Variants in FAM13B observed in about 807,000 individuals in gnomAD.
FAM13B encodes the protein protein FAM13B.
In FAM13B, 60 loss-of-function variants were observed where a neutral mutation model predicts 117.3. The observed-to-expected ratio is 0.51, with a 90% CI of 0.42 to 0.63. FAM13B has a LOEUF of 0.63. Ranked by LOEUF, FAM13B falls within the 30% of genes least tolerant of loss-of-function variation. The pLI is 0.00. For missense variants in FAM13B, 972 were observed against 1,091.9 expected, an observed-to-expected ratio of 0.89 and a Z score of 1.55; for synonymous variants, 332 against 356.1, an observed-to-expected ratio of 0.93 and a Z score of 0.76.
rs928667102 is a variant in FAM13B at position 137,960,340 on chromosome 5, C to T, written c.1245-126G>A. ...TTTACAATGTGCGAGGAGAAAATGC[C>T]AACTGGACACATGCCCATTCTTTGG... is the stretch of plus-strand genomic sequence containing the variant. On this transcript the variant is annotated intron_variant, in intron 11 of 23. Transcript: ENST00000689681. 1.5e-4 allele frequency: 75 copies of T among 512,762 alleles called. 1 individual carries two copies. Among genetic ancestry groups the T allele is most frequent in the South Asian group, 5.8e-5 (2 of 34,304 alleles). 31.8% of individuals were successfully genotyped at this position (512,762 alleles called of 1,614,324 possible). A position where few individuals can be genotyped will look rare whatever the true frequency, so the allele number is the denominator to read the frequency against.
chr5:138,008,897 C>T (rs143832023), intron 6 of FAM13B, among the ~76,000 whole-genome samples: 35 of 152,360 alleles, frequency 2.3e-4, no homozygotes, highest in African/African-American at 7.9e-4. Flanking sequence ...AATCCCAGAA[C>T]TTTGGGAGGC....
At chr5:137,973,744 A>C (rs1421583385) in intron 10 of FAM13B, among the ~76,000 whole-genome samples, 3 of 144,438 alleles carry the variant, frequency 2.1e-5, no homozygotes, top group African/African-American at 5.1e-5. Context: ...CAATGAACTC[A>C]AACAAATTTA....
At chr5:137,953,579 T>A in intron 15 of FAM13B, 114 bp from the exon 16 acceptor site, 2 of 1,053,292 alleles carry the variant, frequency 1.9e-6, no homozygotes, top group East Asian at 4.8e-5. Flanking sequence ...TAAAAATAAG[T>A]CCCTAACACT....
chr5:138,043,368 A>G (rs1384953045), intron 1 of FAM13B, among the ~76,000 whole-genome samples: 1 of 152,102 alleles, frequency 6.6e-6, no homozygotes, highest in Non-Finnish European at 1.5e-5. Context: ...GTCTCAAAAA[A>G]TAAATAATAA....
intron 7 of FAM13B, among the ~76,000 whole-genome samples, chr5:137,989,445 CTA>C (rs1215567247): frequency 6.6e-6 from 1 of 152,178 alleles, no homozygotes; most frequent in African/African-American, 2.4e-5. Flanking sequence ...CAGTATCATG[CTA>C]GTTTCCAATG....
chr5:138,017,990 A>G (rs769655005), intron 4 of FAM13B, among the ~76,000 whole-genome samples: 1 of 152,190 alleles, frequency 6.6e-6, no homozygotes, highest in Non-Finnish European at 1.5e-5. Context: ...CACCACACAC[A>G]TTACCTTACA....
At chr5:137,979,224 G>A (rs941117780) in intron 10 of FAM13B, among the ~76,000 whole-genome samples, 1 of 152,040 alleles carries the variant, frequency 6.6e-6, no homozygotes, top group South Asian at 2.1e-4. Context: ...TGTTGGCCAG[G>A]CTGGTCTCGA....
At chr5:138,039,468 C>T (rs1320617060) in intron 1 of FAM13B, 1 of 152,068 alleles carries the variant, frequency 6.6e-6, no homozygotes, top group Non-Finnish European at 1.5e-5. Flanking sequence ...TTTTTTTTCC[C>T]CTTTGAGTCA....
At chr5:137,988,450 A>C in intron 7 of FAM13B, 135 bp from the exon 8 acceptor site, 1 of 631,446 alleles carries the variant, frequency 1.6e-6, no homozygotes, top group Admixed American at 3.3e-5. Context: ...TCTTGTTTAC[A>C]TATCAAGTTG....
intron 10 of FAM13B, among the ~76,000 whole-genome samples, chr5:137,977,452 T>C (rs912228649): frequency 6.6e-6 from 1 of 152,146 alleles, no homozygotes; most frequent in African/African-American, 2.4e-5. Flanking sequence ...AACTTGCTGG[T>C]TTTACAGCTT....
In FAM13B at chr5:138,007,143, T is replaced by C. The variant is rs1782752709; in HGVS notation, c.695A>G (p.Asn232Ser). The change falls in exon 7 of 24, where the codon AAT becomes AGT. Residue 232 changes from asparagine (N) to serine (S), a missense_variant. Coordinates refer to ENST00000689681, the MANE Select transcript of FAM13B (RefSeq NM_001385994.1). ...NDLSSITEQVNELSEEEEEDE... is the reference protein window; with the variant it reads ...NDLSSITEQVSELSEEEEEDE... ...TTCCTCTTCTTCCTCAGAAAGTTCATTAACCTATATAAATAAAAAGAAATT... is the reference window on the plus strand; with the variant it reads ...TTCCTCTTCTTCCTCAGAAAGTTCACTAACCTATATAAATAAAAAGAAATT... 1.3e-6 allele frequency: 2 copies of C among 1,595,636 alleles called. No homozygotes were observed. Among genetic ancestry groups the C allele is most frequent in the African/African-American group, 1.4e-5 (1 of 73,854 alleles).
chr5:138,044,350 G>A (rs1296085681), intron 1 of FAM13B, among the ~76,000 whole-genome samples: 1 of 152,052 alleles, frequency 6.6e-6, no homozygotes, highest in Non-Finnish European at 1.5e-5. Flanking sequence ...TCAGGAGTTC[G>A]AGACCAGCCT....
chr5:137,969,396 G>T (rs561801068), intron 10 of FAM13B, among the ~76,000 whole-genome samples: 4 of 152,286 alleles, frequency 2.6e-5, no homozygotes, highest in African/African-American at 7.2e-5. Context: ...TGCAGCTGAG[G>T]GTCCTGTCTG....
At chr5:137,997,959 A>C (rs566929509) in intron 7 of FAM13B, among the ~76,000 whole-genome samples, 2 of 152,344 alleles carry the variant, frequency 1.3e-5, no homozygotes, top group East Asian at 1.9e-4. Context: ...ACTGAAACCC[A>C]ATGTCAACAG....
At chr5:137,991,122 C>T (rs1778504574) in intron 7 of FAM13B, among the ~76,000 whole-genome samples, 2 of 151,980 alleles carry the variant, frequency 1.3e-5, no homozygotes, top group Admixed American at 6.6e-5. Context: ...CTCAAAAATA[C>T]AGAAAAGTGA....
At chr5:137,989,646 G>A (rs976817990) in intron 7 of FAM13B, among the ~76,000 whole-genome samples, 2 of 151,976 alleles carry the variant, frequency 1.3e-5, no homozygotes, top group African/African-American at 4.8e-5. Flanking sequence ...GCAACATAGC[G>A]AGATCCCATC....
intron 10 of FAM13B, among the ~76,000 whole-genome samples, chr5:137,967,324 G>A (rs1200045044): frequency 6.6e-6 from 1 of 152,116 alleles, no homozygotes; most frequent in Non-Finnish European, 1.5e-5. Flanking sequence ...AGGAGTTCAA[G>A]ACCAGCCTGG....
upstream of FAM13B, among the ~76,000 whole-genome samples, chr5:138,033,275 C>T (rs1179381138): frequency 6.6e-6 from 1 of 152,152 alleles, no homozygotes; most frequent in African/African-American, 2.4e-5. Flanking sequence ...GGCGCCATCC[C>T]GGGGCGGGTT....
At chr5:137,974,339 C>T (rs1444806627) in intron 10 of FAM13B, among the ~76,000 whole-genome samples, 1 of 150,974 alleles carries the variant, frequency 6.6e-6, no homozygotes, top group Non-Finnish European at 1.5e-5. Flanking sequence ...AATCATCATT[C>T]TCAGTAAACT....
Sources: allele counts gnomAD v4.1 joint callset (sites outside exome capture counted in the v4.1 genomes callset), GRCh38; gene constraint gnomAD v4.1.1; transcripts MANE v1.5; gene names NCBI Gene and HGNC (gene_info 2026-07-23, HGNC 2026-07-21).